The following XPO7 variants were observed in gnomAD, a reference collection of about 807,000 sequenced individuals.
XPO7 encodes exportin-7.
In XPO7, 21 loss-of-function variants were observed where a neutral mutation model predicts 144.3. That is an observed-to-expected ratio of 0.15 (90% CI 0.10 to 0.21). The LOEUF (loss-of-function observed/expected upper bound fraction) is 0.21. Ranked by LOEUF, XPO7 falls within the 10% of genes least tolerant of loss-of-function variation. The pLI is 1.00. For missense variants in XPO7, 808 were observed against 1,325.8 expected, an observed-to-expected ratio of 0.61 and a Z score of 6.06; for synonymous variants, 580 against 499.6, an observed-to-expected ratio of 1.16 and a Z score of -2.15.
At position 21,995,506 on chromosome 8, in the gene XPO7, T is replaced by C. The variant is rs780372494; in HGVS notation, c.2252T>C (p.Met751Thr). Reference protein sequence around the residue: ...MLFEWIYPSYMPILQRAIELW... With the variant: ...MLFEWIYPSYTPILQRAIELW... ...CTCATTTACAGATATCCATCCTATA[T>C]GCCAATTCTCCAACGGGCAATTGAG... The change falls in exon 21 of 28, where the codon ATG (methionine) becomes ACG (threonine). Residue 751 changes from methionine (M) to threonine (T), a missense_variant. By Grantham distance (81) the Met-to-Thr change is moderately conservative. Around this residue, in one of 5 missense-constraint regions of XPO7, gnomAD observed 416 missense variants for 612.5 expected, o/e 0.68. Coordinates refer to ENST00000252512, the MANE Select transcript of XPO7 (RefSeq NM_015024.5). 1.2e-4 allele frequency: 194 copies of C among 1,608,152 alleles called. 1 individual carries two copies. The East Asian group carries it at 4.3e-3, about 36-fold the overall frequency.
rs2117368790 is a variant in XPO7 at position 21,985,602 on chromosome 8, G to A, written c.1488G>A (p.Leu496=). Residue 496 remains leucine, a synonymous_variant, in exon 13 of 28, where the codon CTG becomes CTA. Coordinates refer to ENST00000252512, the MANE Select transcript of XPO7 (RefSeq NM_015024.5). ...CTGCTGCAGGAAGGCTGACATGGCT[G>A]GTTTACATTATTGGAGCAGTGATCG... The part of the protein sequence containing the change: ...IAVQEGRLTW[L]VYIIGAVIGG... The A allele has an allele frequency of 6.2e-7, 1 of 1,613,950 alleles. No homozygotes were observed. Among genetic ancestry groups the A allele is most frequent in the East Asian group, 2.2e-5 (1 of 44,882 alleles).
chr8:21,962,315 T>C (rs1414551977), intron 1 of XPO7, among the ~76,000 whole-genome samples: 1 of 152,180 alleles, frequency 6.6e-6, no homozygotes, highest in East Asian at 1.9e-4. Context: ...TTGAATGTTC[T>C]TTTCAGGCCG....
intron 8 of XPO7, 74 bp from the exon 9 acceptor site, chr8:21,980,010 A>G: frequency 7.0e-7 from 1 of 1,423,388 alleles, no homozygotes; most frequent in Non-Finnish European, 9.3e-7. Flanking sequence ...ATATTGTAGG[A>G]GGTGGAACGT....
chr8:21,937,348 A>G (rs898548574), intron 1 of XPO7, among the ~76,000 whole-genome samples: 1 of 152,216 alleles, frequency 6.6e-6, no homozygotes, highest in African/African-American at 2.4e-5. Flanking sequence ...AGGCTGAAGC[A>G]CTTTTAATGT....
intron 1 of XPO7, among the ~76,000 whole-genome samples, chr8:21,959,072 G>A (rs1198286391): frequency 2.0e-5 from 3 of 152,092 alleles, no homozygotes; most frequent in Non-Finnish European, 4.4e-5. Context: ...ATGAATGACT[G>A]CAGAAGCACC....
chr8:21,977,819 C>T lies in XPO7; in HGVS notation c.813C>T (p.Ser271=). The change falls in exon 8 of 28, where the codon TCC becomes TCT. Residue 271 remains serine, a synonymous_variant. Coordinates refer to ENST00000252512, the MANE Select transcript of XPO7 (RefSeq NM_015024.5). ...AGCTGTTTTTTGACCTGTATCATTC[C>T]ATCCCTCCTTCATTTTCACCTCTGG... ...TLQLFFDLYH[S]IPPSFSPLVL... is the part of the protein sequence containing the mutation. 6.2e-7 allele frequency: 1 copy of T among 1,613,966 alleles called. No individual in the cohort carries two copies. Among genetic ancestry groups the T allele is most frequent in the Non-Finnish European group, 8.5e-7 (1 of 1,179,874 alleles).
intron 1 of XPO7, among the ~76,000 whole-genome samples, chr8:21,958,368 A>T (rs1164380400): frequency 6.6e-6 from 1 of 152,152 alleles, no homozygotes; most frequent in Admixed American, 6.5e-5. Flanking sequence ...ACCATGTTTT[A>T]TTTGTGTTTT....
rs766005634 is a variant in XPO7, at chr8:21,985,665, C to T, written c.1551C>T (p.Asp517=). The T allele has an allele frequency of 1.5e-5, 24 of 1,613,578 alleles. No homozygotes were observed. The highest frequency in any genetic ancestry group is 1.8e-5 in the Non-Finnish European group (21 of 1,179,896). Residue 517 remains aspartate, a synonymous_variant, in exon 13 of 28, where the codon GAC becomes GAT. Transcript: ENST00000252512. ...RVSFASTDEQ[D]AMDGELVCRV... is the part of the protein sequence containing the mutation. The stretch of plus-strand genomic sequence containing the variant: ...CTTTTGCCAGCACTGATGAGCAAGA[C>T]GCCATGGATGGTGAGCTTGTCTGTC...
At chr8:21,973,757 C>T (rs981896471) in intron 5 of XPO7, among the ~76,000 whole-genome samples, 2 of 152,156 alleles carry the variant, frequency 1.3e-5, no homozygotes, top group Non-Finnish European at 2.9e-5. Flanking sequence ...TTATTTTATT[C>T]CACATATTGA....
intron 7 of XPO7, among the ~76,000 whole-genome samples, chr8:21,977,275 T>C (rs1203409723): frequency 2.0e-5 from 3 of 152,100 alleles, no homozygotes; most frequent in African/African-American, 7.2e-5. Flanking sequence ...GAAGCTAAAA[T>C]AGTACTTTCA....
At chr8:21,990,768 A>C in intron 17 of XPO7, 43 bp from the exon 18 acceptor site, 1 of 1,588,852 alleles carries the variant, frequency 6.3e-7, no homozygotes. Context: ...TTCTGCCTCT[A>C]ACTCATGTTT....
intron 1 of XPO7, among the ~76,000 whole-genome samples, chr8:21,933,723 G>GT (rs1453082757): frequency 6.6e-6 from 1 of 152,070 alleles, no homozygotes; most frequent in African/African-American, 2.4e-5. Flanking sequence ...GAATATTTAT[G>GT]TTTCATTTGT....
intron 1 of XPO7, among the ~76,000 whole-genome samples, chr8:21,954,657 A>G (rs1811478513): frequency 6.6e-6 from 1 of 152,230 alleles, no homozygotes; most frequent in East Asian, 1.9e-4. Flanking sequence ...AATAAATGAA[A>G]TAAATAAATA....
intron 1 of XPO7, among the ~76,000 whole-genome samples, chr8:21,922,061 A>G (rs1257590828): frequency 6.6e-6 from 1 of 152,198 alleles, no homozygotes; most frequent in African/African-American, 2.4e-5. Flanking sequence ...TTCTTATAAC[A>G]CTAATCAAAC....
intron 1 of XPO7, among the ~76,000 whole-genome samples, chr8:21,939,273 G>A (rs1024497784): frequency 1.3e-5 from 2 of 149,394 alleles, no homozygotes; most frequent in African/African-American, 5.0e-5. Flanking sequence ...TGAGGCTGAA[G>A]TGCAGTGCTG....
At chr8:21,967,652 C>G (rs532721751) in intron 2 of XPO7, among the ~76,000 whole-genome samples, 1 of 152,042 alleles carries the variant, frequency 6.6e-6, no homozygotes, top group African/African-American at 2.4e-5. Flanking sequence ...CCTTTTTAAT[C>G]CAAAGTCCTA....
At chr8:21,953,792 T>G (rs1271311695) in intron 1 of XPO7, among the ~76,000 whole-genome samples, 1 of 152,254 alleles carries the variant, frequency 6.6e-6, no homozygotes, top group Non-Finnish European at 1.5e-5. Context: ...TATGCTTATT[T>G]GCCATCTGTG....
intron 1 of XPO7, among the ~76,000 whole-genome samples, chr8:21,929,270 G>C (rs1026147520): frequency 6.6e-6 from 1 of 152,194 alleles, no homozygotes; most frequent in Non-Finnish European, 1.5e-5. Flanking sequence ...TGGAACATAG[G>C]TTATAGGATT....
chr8:21,992,455 T>C (rs1585477006), intron 19 of XPO7, among the ~76,000 whole-genome samples: 1 of 152,360 alleles, frequency 6.6e-6, no homozygotes, highest in East Asian at 1.9e-4. Context: ...TTTTCATTAT[T>C]CAGTTTTTTG....
Sources: gnomAD v4.1 joint callset for allele counts (sites outside exome capture counted in the v4.1 genomes callset) on GRCh38, gnomAD v4.1.1 for gene constraint, gnomAD v4.1.1 regional missense constraint, MANE v1.5 for transcripts, NCBI Gene and HGNC (gene_info 2026-07-23, HGNC 2026-07-21) for gene names.